PDSS2: variants seen among roughly 807,000 people sequenced by gnomAD.
PDSS2 encodes decaprenyl diphosphate synthase subunit 2.
In PDSS2, 31 loss-of-function variants were observed where a neutral mutation model predicts 44.5. That is an observed-to-expected ratio of 0.70 (90% CI 0.52 to 0.94). The LOEUF (loss-of-function observed/expected upper bound fraction) is 0.94. Among genes scored for constraint, PDSS2 ranks in the 40% least tolerant of loss-of-function variants. PDSS2 has a pLI of 0.00. For synonymous variants in PDSS2, 157 were observed against 180.3 expected (o/e 0.87, Z 1.03); for missense variants, 452 against 482.2 (o/e 0.94, Z 0.59).
chr6:107,432,555 C>T (rs981224016), intron 1 of PDSS2, among the ~76,000 whole-genome samples: 4 of 152,130 alleles, frequency 2.6e-5, no homozygotes. Flanking sequence ...CTTTGGGAGG[C>T]CAAGGCAGGC....
Position 107,157,755 on chromosome 6 carries a change from CT to C in PDSS2, c.1042-2979del, listed in dbSNP as rs1363837303. On this transcript the variant is annotated intron_variant, in intron 7 of 7. Transcript: ENST00000369037. ...GCGCGATCTTGGCTCACTGCAACCT[CT>C]GCCTCCCAGGTTCAGGCGATTCTCC... 9.9e-5 allele frequency among the ~76,000 whole-genome samples: 15 copies of C among 152,168 alleles called. 2 individuals are homozygous for C. Among genetic ancestry groups the C allele is most frequent in the African/African-American group, 3.6e-4 (15 of 41,514 alleles).
chr6:107,200,264 A>G (rs1383889315), intron 6 of PDSS2, among the ~76,000 whole-genome samples: 2 of 152,198 alleles, frequency 1.3e-5, no homozygotes, highest in African/African-American at 4.8e-5. Context: ...GCCAGAAAAT[A>G]TGGTTTCTAG....
At chr6:107,355,426 AT>A (rs1269746268) in intron 1 of PDSS2, among the ~76,000 whole-genome samples, 5 of 152,250 alleles carry the variant, frequency 3.3e-5, no homozygotes, top group African/African-American at 1.2e-4. Context: ...CTAGATTTAT[AT>A]TTGACTCAAA....
intron 4 of PDSS2, among the ~76,000 whole-genome samples, chr6:107,242,431 T>G (rs969754978): frequency 3.3e-4 from 50 of 152,094 alleles, no homozygotes; most frequent in African/African-American, 1.2e-3. Context: ...GCCCGCCTAA[T>G]TTTTTTATAT....
chr6:107,451,251 T>C (rs532270512), intron 1 of PDSS2, among the ~76,000 whole-genome samples: 1 of 152,344 alleles, frequency 6.6e-6, no homozygotes, highest in Non-Finnish European at 1.5e-5. Flanking sequence ...GAATTACATA[T>C]TATATTTTTT....
intron 1 of PDSS2, among the ~76,000 whole-genome samples, chr6:107,392,801 C>T (rs866974990): frequency 6.6e-6 from 1 of 152,078 alleles, no homozygotes; most frequent in Non-Finnish European, 1.5e-5. Flanking sequence ...TACAAGCAAA[C>T]TTTGGATTGG....
chr6:107,386,275 G>C (rs1779607194), intron 1 of PDSS2, among the ~76,000 whole-genome samples: 1 of 151,404 alleles, frequency 6.6e-6, no homozygotes, highest in South Asian at 2.1e-4. Context: ...ACAAAGATTT[G>C]TACAATGAGG....
chr6:107,176,014 C>T (rs573735860), intron 7 of PDSS2, among the ~76,000 whole-genome samples: 4 of 151,876 alleles, frequency 2.6e-5, no homozygotes, highest in South Asian at 2.1e-4. Flanking sequence ...CAAATATTGC[C>T]CCAGGTTATT....
intron 3 of PDSS2, among the ~76,000 whole-genome samples, 194 bp from the exon 4 acceptor site, chr6:107,245,813 TC>T (rs1455467351): frequency 6.6e-6 from 1 of 152,172 alleles, no homozygotes; most frequent in Non-Finnish European, 1.5e-5. Context: ...ATTTTTTCAG[TC>T]ATAATTCAAG....
At chr6:107,455,937 C>T (rs1583110659) in intron 1 of PDSS2, among the ~76,000 whole-genome samples, 2 of 152,038 alleles carry the variant, frequency 1.3e-5, no homozygotes, top group East Asian at 3.9e-4. Context: ...TTTTTATATC[C>T]TCGTGACATG....
chr6:107,221,334 T>C (rs2114680422), intron 4 of PDSS2, among the ~76,000 whole-genome samples: 1 of 97,438 alleles, frequency 1.0e-5, no homozygotes, highest in Non-Finnish European at 1.8e-5. Flanking sequence ...AGAGTGAGAC[T>C]CCGTCTCGAA....
intron 3 of PDSS2, among the ~76,000 whole-genome samples, chr6:107,264,740 A>G (rs1775356967): frequency 6.6e-6 from 1 of 152,162 alleles, no homozygotes; most frequent in Admixed American, 6.5e-5. Context: ...GTACTTCTCC[A>G]CTTCATGATT....
At chr6:107,305,435 A>T (rs765081110) in intron 2 of PDSS2, among the ~76,000 whole-genome samples, 4 of 152,164 alleles carry the variant, frequency 2.6e-5, no homozygotes, top group Non-Finnish European at 5.9e-5. Flanking sequence ...AGTTCATCTA[A>T]ATGAAAAATT....
At chr6:107,284,968 G>A (rs776001351) in intron 2 of PDSS2, among the ~76,000 whole-genome samples, 14 of 152,070 alleles carry the variant, frequency 9.2e-5, no homozygotes, top group South Asian at 2.1e-4. Flanking sequence ...TATCTCTTCC[G>A]TACAGAAGGC....
intron 3 of PDSS2, among the ~76,000 whole-genome samples, chr6:107,269,357 T>TGC (rs1161257216): frequency 6.6e-6 from 1 of 151,646 alleles, no homozygotes; most frequent in Non-Finnish European, 1.5e-5. Context: ...TGTGTGTGTG[T>TGC]GTGTGTGTGT....
At chr6:107,264,845 T>C (rs761099681) in intron 3 of PDSS2, among the ~76,000 whole-genome samples, 3 of 152,168 alleles carry the variant, frequency 2.0e-5, no homozygotes, top group African/African-American at 4.8e-5. Context: ...CAGCATCCAG[T>C]GATGTTCTAC....
In PDSS2 at chr6:107,366,887, C is replaced by T. The variant is rs147097104; in HGVS notation, c.297-32555G>A. Among the ~76,000 whole-genome samples the T allele has an allele frequency of 4.6e-3, 700 of 152,078 alleles. 5 individuals are homozygous for T. Among genetic ancestry groups the T allele is most frequent in the African/African-American group, 0.016 (673 of 41,512 alleles). Reference sequence around the variant, plus strand: ...TCCTTTCCACAAGGAAAGGCCCAGGCGCAGATGGTTTTGCTTGCAAATTCT... The same window carrying T: ...TCCTTTCCACAAGGAAAGGCCCAGGTGCAGATGGTTTTGCTTGCAAATTCT... On this transcript the variant is annotated intron_variant, in intron 1 of 7. Transcript: ENST00000369037.
intron 1 of PDSS2, among the ~76,000 whole-genome samples, chr6:107,371,808 A>G (rs1356120392): frequency 6.6e-6 from 1 of 152,220 alleles, no homozygotes; most frequent in Non-Finnish European, 1.5e-5. Flanking sequence ...CAAAGGCTGT[A>G]ACAAGAAGGG....
At position 107,299,146 on chromosome 6, in the gene PDSS2, C is replaced by CAAAA. The variant is rs71991148; in HGVS notation, c.432-24923_432-24920dup. On this transcript the variant is annotated intron_variant, in intron 2 of 7. Coordinates refer to ENST00000369037, the MANE Select transcript of PDSS2 (RefSeq NM_020381.4). ...TGGGTGACAAAGTGAGACCCTGTCTCAAAAAAAAAAAAAAAAAAAAAAAGA... is the reference window on the plus strand; with the variant it reads ...TGGGTGACAAAGTGAGACCCTGTCTCAAAAAAAAAAAAAAAAAAAAAAAAAAAGA... 8.3e-3 allele frequency among the ~76,000 whole-genome samples: 440 copies of CAAAA among 53,256 alleles called. 22 individuals carry two copies. Among genetic ancestry groups the CAAAA allele is most frequent in the Middle Eastern group, 0.045 (2 of 44 alleles). The allele number at this position is 53,256 out of a possible 152,430, so 34.9% of individuals were successfully genotyped here. A position where few individuals can be genotyped will look rare whatever the true frequency, so the allele number is the denominator to read the frequency against.
Sources: gnomAD v4.1 joint callset for allele counts (sites outside exome capture counted in the v4.1 genomes callset) on GRCh38, gnomAD v4.1.1 for gene constraint, MANE v1.5 for transcripts, NCBI Gene and HGNC (gene_info 2026-07-23, HGNC 2026-07-21) for gene names.